Variants in NCKAP5 observed in about 807,000 individuals in gnomAD.
NCKAP5 encodes the protein NCK associated protein 5.
In NCKAP5, 92 loss-of-function variants were observed where a neutral mutation model predicts 167.0. The ratio of observed to expected loss-of-function variants is 0.55; its 90% CI spans 0.47 to 0.66. The LOEUF is 0.66. NCKAP5 is among the 30% of genes least tolerant of loss of function. The pLI is 0.00. For synonymous variants in NCKAP5, 891 were observed against 877.4 expected (o/e 1.02, Z -0.27); for missense variants, 2,378 against 2,315.0 (o/e 1.03, Z -0.56).
chr2:132,829,636 A>G (rs1687379441), intron 11 of NCKAP5, among the ~76,000 whole-genome samples: 1 of 152,104 alleles, frequency 6.6e-6, no homozygotes, highest in Non-Finnish European at 1.5e-5. Flanking sequence ...GATCTGGAAT[A>G]GGGGTTCTCA....
chr2:132,866,238 A>T (rs1690342203), intron 10 of NCKAP5, among the ~76,000 whole-genome samples: 1 of 152,226 alleles, frequency 6.6e-6, no homozygotes. Context: ...AAACAAGCAA[A>T]CAAACAAAAA....
intron 19 of NCKAP5, 138 bp downstream of exon 19, chr2:132,725,489 C>G: frequency 9.3e-7 from 1 of 1,076,034 alleles, no homozygotes; most frequent in Non-Finnish European, 1.3e-6. Context: ...CTGTATGTAC[C>G]AGAAAATTAG....
chr2:133,049,346 G>C (rs1573867135), intron 6 of NCKAP5, among the ~76,000 whole-genome samples: 1 of 151,938 alleles, frequency 6.6e-6, no homozygotes, highest in East Asian at 1.9e-4. Flanking sequence ...GAGATTGAGA[G>C]CATCCTGGCT....
At position 132,913,137 on chromosome 2, in the gene NCKAP5, G is replaced by A. The variant is rs558923316; in HGVS notation, c.580-34221C>T. On this transcript the variant is annotated intron_variant, in intron 8 of 19. Coordinates refer to ENST00000409261, the MANE Select transcript of NCKAP5 (RefSeq NM_207363.3). The stretch of plus-strand genomic sequence containing the variant: ...TCAGCTATGATATGCCCTGGTGATC[G>A]TAGCTGAATCATTTATTGAGACAGC... 3.9e-3 allele frequency among the ~76,000 whole-genome samples: 590 copies of A among 151,898 alleles called. 4 individuals are homozygous for A. The highest frequency in any genetic ancestry group is 0.012 in the Admixed American group (186 of 15,272).
intron 2 of NCKAP5, among the ~76,000 whole-genome samples, chr2:133,534,770 C>A (rs944262169): frequency 1.3e-5 from 2 of 152,100 alleles, no homozygotes; most frequent in African/African-American, 4.8e-5. Flanking sequence ...TGGGCTGTTT[C>A]CACATTTTTG....
chr2:133,384,031 C>A (rs1686737161), intron 3 of NCKAP5, among the ~76,000 whole-genome samples: 1 of 152,130 alleles, frequency 6.6e-6, no homozygotes, highest in Non-Finnish European at 1.5e-5. Flanking sequence ...ATGGTAGTTT[C>A]TTTTGCTGTG....
chr2:132,794,253 TATATATATATAGAGAGAGAGAGAGAGAG>T (rs1278949093), intron 12 of NCKAP5, among the ~76,000 whole-genome samples: 4 of 55,152 alleles, frequency 7.3e-5, no homozygotes, highest in African/African-American at 3.0e-4. Context: ...TATATATATA[TATATATATATAGAGAGAGAGAGAGAGAG>T]AGAGAGAGAG....
chr2:133,186,283 C>A (rs777914880), intron 5 of NCKAP5, among the ~76,000 whole-genome samples: 4 of 152,082 alleles, frequency 2.6e-5, no homozygotes, highest in Non-Finnish European at 4.4e-5. Flanking sequence ...GTTGAACCAA[C>A]CTTGCATCTC....
chr2:133,518,454 A>AGCTCACTGCAAGCTC, intron 2 of NCKAP5, among the ~76,000 whole-genome samples: 1 of 122,626 alleles, frequency 8.2e-6, no homozygotes, highest in Non-Finnish European at 1.8e-5. Flanking sequence ...TCCCTGGTTC[A>AGCTCACTGCAAGCTC]CGCCATTCTC....
At chr2:133,016,481 T>C (rs1382435197) in intron 6 of NCKAP5, among the ~76,000 whole-genome samples, 1 of 152,240 alleles carries the variant, frequency 6.6e-6, no homozygotes, top group Non-Finnish European at 1.5e-5. Flanking sequence ...AATAATTTCA[T>C]AGCCTTCCCA....
At chr2:133,553,014 T>A (rs1687475547) in intron 2 of NCKAP5, among the ~76,000 whole-genome samples, 1 of 152,186 alleles carries the variant, frequency 6.6e-6, no homozygotes, top group Non-Finnish European at 1.5e-5. Flanking sequence ...CATTAAAATA[T>A]TAGAGTACAT....
chr2:133,422,063 T>C (rs1218620600), intron 3 of NCKAP5, among the ~76,000 whole-genome samples: 5 of 152,246 alleles, frequency 3.3e-5, no homozygotes, highest in South Asian at 4.1e-4. Flanking sequence ...TAATGTGGTA[T>C]GTGCTATTGT....
chr2:133,328,271 T>C (rs1682591072), intron 3 of NCKAP5, among the ~76,000 whole-genome samples: 1 of 152,194 alleles, frequency 6.6e-6, no homozygotes. Context: ...GCGTATCTGC[T>C]CTCATTATGT....
chr2:132,811,070 A>T (rs535137661), intron 11 of NCKAP5, among the ~76,000 whole-genome samples: 1 of 152,048 alleles, frequency 6.6e-6, no homozygotes, highest in South Asian at 2.1e-4. Flanking sequence ...AGTCTACTCG[A>T]CTCCAGACAG....
chr2:132,700,421 T>G (rs113432042), intron 19 of NCKAP5, among the ~76,000 whole-genome samples: 1,903 of 152,284 alleles, frequency 0.012, 25 homozygotes, highest in African/African-American at 0.041. Context: ...CTGCATGGTA[T>G]TGCCTAAGTT....
At chr2:132,723,497 C>T (rs1273687261) in intron 19 of NCKAP5, among the ~76,000 whole-genome samples, 1 of 151,776 alleles carries the variant, frequency 6.6e-6, no homozygotes, top group African/African-American at 2.4e-5. Context: ...TGGAATCCGA[C>T]TGTTCTCACT....
At chr2:133,190,508 A>C (rs1018713965) in intron 5 of NCKAP5, among the ~76,000 whole-genome samples, 1 of 152,118 alleles carries the variant, frequency 6.6e-6, no homozygotes, top group Non-Finnish European at 1.5e-5. Flanking sequence ...CACTCTACCC[A>C]ACTTCAAACT....
chr2:132,801,483 T>G (rs1251373845), intron 11 of NCKAP5, among the ~76,000 whole-genome samples: 1 of 152,246 alleles, frequency 6.6e-6, no homozygotes, highest in Non-Finnish European at 1.5e-5. Flanking sequence ...GTAGTGGCTA[T>G]GTCAACAGCG....
chr2:133,217,197 T>C (rs775983382), intron 4 of NCKAP5, among the ~76,000 whole-genome samples: 20 of 152,124 alleles, frequency 1.3e-4, no homozygotes, highest in Non-Finnish European at 2.5e-4. Context: ...GTTACAGAGA[T>C]ATTTTAAATT....
Sources: allele counts gnomAD v4.1 joint callset (sites outside exome capture counted in the v4.1 genomes callset), GRCh38; gene constraint gnomAD v4.1.1; transcripts MANE v1.5; gene names NCBI Gene and HGNC (gene_info 2026-07-23, HGNC 2026-07-21).